Variants in DSCAM observed in about 807,000 individuals in gnomAD.
DSCAM encodes the protein cell adhesion molecule DSCAM.
DSCAM carries 47 observed loss-of-function variants against 217.7 expected under a neutral mutation model. The ratio of observed to expected loss-of-function variants is 0.22; its 90% CI spans 0.17 to 0.28. The LOEUF is 0.28. Ranked by LOEUF, DSCAM falls within the 10% of genes least tolerant of loss-of-function variation. DSCAM has a pLI of 1.00. For missense variants in DSCAM, 2,080 were observed against 2,618.3 expected (o/e 0.79, Z 4.49); for synonymous variants, 1,056 against 1,015.3 (o/e 1.04, Z -0.76).
rs906154238 is a variant in DSCAM, at chr21:40,245,136, A to T, written c.2356+30961T>A. 5.4e-4 allele frequency among the ~76,000 whole-genome samples: 82 copies of T among 152,364 alleles called. 1 individual carries two copies. The highest frequency in any genetic ancestry group is 1.9e-3 in the African/African-American group (79 of 41,598). On this transcript the variant is annotated intron_variant, in intron 11 of 32. Transcript: ENST00000400454. The stretch of plus-strand genomic sequence containing the variant: ...AAAATAAACAAAGAATCACTCCAGT[A>T]ACTTTCAGCACAATTTATTGGCACT...
At chr21:40,728,998 C>A (rs1398707404) in intron 1 of DSCAM, among the ~76,000 whole-genome samples, 1 of 152,198 alleles carries the variant, frequency 6.6e-6, no homozygotes, top group Non-Finnish European at 1.5e-5. Context: ...ACATGGGTCG[C>A]TAGCCCCGTG....
chr21:40,465,943 C>T (rs1028981854), intron 3 of DSCAM, among the ~76,000 whole-genome samples: 21 of 151,830 alleles, frequency 1.4e-4, no homozygotes, highest in African/African-American at 4.4e-4. Flanking sequence ...TTTTTGAAGG[C>T]ATAGAAATAA....
At chr21:40,711,504 C>T (rs1350699429) in intron 1 of DSCAM, among the ~76,000 whole-genome samples, 1 of 152,198 alleles carries the variant, frequency 6.6e-6, no homozygotes, top group African/African-American at 2.4e-5. Flanking sequence ...TGGCACAAGG[C>T]TGAATAGATG....
At position 40,084,016 on chromosome 21, in the gene DSCAM, A is replaced by G. The variant is rs2089499433; in HGVS notation, c.4133-10T>C. 3 of 1,603,354 alleles carry G rather than the reference A, an allele frequency of 1.9e-6. No individual in the cohort carries two copies. In the African/African-American group the frequency reaches 4.0e-5, roughly 22 times the overall value. ...GGCTGATCTGGTGGAACTGGAGAGGAAACAGTTTTTAGAAAACAAGAATTA... is the reference window on the plus strand; with the variant it reads ...GGCTGATCTGGTGGAACTGGAGAGGGAACAGTTTTTAGAAAACAAGAATTA... On this transcript the variant is annotated splice_polypyrimidine_tract_variant and intron_variant, in intron 23 of 32. Coordinates refer to ENST00000400454, the MANE Select transcript of DSCAM (RefSeq NM_001389.5).
chr21:40,059,489 T>C, intron 28 of DSCAM, among the ~76,000 whole-genome samples: 1 of 152,132 alleles, frequency 6.6e-6, no homozygotes, highest in Non-Finnish European at 1.5e-5. Flanking sequence ...CAGCAATGGG[T>C]GATGCTGCCA....
At chr21:40,132,807 C>T (rs2090167404) in intron 19 of DSCAM, among the ~76,000 whole-genome samples, 1 of 152,122 alleles carries the variant, frequency 6.6e-6, no homozygotes, top group African/African-American at 2.4e-5. Flanking sequence ...AGCAGGTGTT[C>T]TTTGCTTCCA....
chr21:40,701,401 ATTGT>A (rs1459012390), intron 2 of DSCAM, among the ~76,000 whole-genome samples: 1 of 151,942 alleles, frequency 6.6e-6, no homozygotes, highest in Non-Finnish European at 1.5e-5. Flanking sequence ...GATTTCCTCT[ATTGT>A]TTCTTTCTGT....
At chr21:40,663,272 G>T (rs1027480436) in intron 3 of DSCAM, among the ~76,000 whole-genome samples, 1 of 136,936 alleles carries the variant, frequency 7.3e-6, no homozygotes, top group African/African-American at 2.7e-5. Flanking sequence ...GTGTGTGGGG[G>T]GGGTGTATAT....
intron 3 of DSCAM, among the ~76,000 whole-genome samples, chr21:40,577,633 C>T (rs975556528): frequency 2.6e-5 from 4 of 152,162 alleles, no homozygotes; most frequent in Admixed American, 2.6e-4. Context: ...AGACGGCTAA[C>T]GCTCAAAATT....
chr21:40,208,764 G>T, intron 11 of DSCAM, among the ~76,000 whole-genome samples: 1 of 152,082 alleles, frequency 6.6e-6, no homozygotes, highest in East Asian at 1.9e-4. Flanking sequence ...AATCCCCTTG[G>T]GTTGCGAAAC....
chr21:40,481,802 G>A (rs536185313), intron 3 of DSCAM, among the ~76,000 whole-genome samples: 26 of 152,252 alleles, frequency 1.7e-4, no homozygotes, highest in Admixed American at 5.2e-4. Context: ...GAGCAGCTGC[G>A]TTTTGGCTCT....
At chr21:40,608,176 G>A (rs2146273346) in intron 3 of DSCAM, among the ~76,000 whole-genome samples, 1 of 152,252 alleles carries the variant, frequency 6.6e-6, no homozygotes, top group Middle Eastern at 3.4e-3. Context: ...TTTTCTAGTG[G>A]CAGTGAGAAA....
chr21:40,713,756 G>A (rs2090809132), intron 1 of DSCAM, among the ~76,000 whole-genome samples: 1 of 152,200 alleles, frequency 6.6e-6, no homozygotes, highest in Non-Finnish European at 1.5e-5. Context: ...AAATGGTCAT[G>A]TAACCAGTCA....
At chr21:40,224,974 T>G (rs570078765) in intron 11 of DSCAM, among the ~76,000 whole-genome samples, 4 of 152,326 alleles carry the variant, frequency 2.6e-5, no homozygotes, top group African/African-American at 9.6e-5. Flanking sequence ...GTAAGTTGGT[T>G]TGAATTAGAA....
At chr21:40,248,186 T>C (rs576594213) in intron 11 of DSCAM, among the ~76,000 whole-genome samples, 1 of 152,318 alleles carries the variant, frequency 6.6e-6, no homozygotes, top group East Asian at 1.9e-4. Context: ...ACGGCTGCTA[T>C]GAAGACCTCT....
intron 29 of DSCAM, among the ~76,000 whole-genome samples, chr21:40,053,334 G>A (rs2837396): frequency 0.22 from 32,729 of 152,178 alleles, 4,242 homozygotes; most frequent in East Asian, 0.47. Context: ...GTCCGGCCCC[G>A]TGGCGGTCAC....
chr21:40,685,645 G>T lies in DSCAM; in HGVS notation c.508+7165C>A, dbSNP rs562406478. 2.6e-5 allele frequency among the ~76,000 whole-genome samples: 4 copies of T among 152,276 alleles called. No homozygotes were observed. In the East Asian group the frequency reaches 7.7e-4, roughly 29 times the overall value. The stretch of plus-strand genomic sequence containing the variant: ...CTGAATGTCACCTCATGTGCCTTTT[G>T]CCTTTGCTGCTTTTGCTCCATAGCC... On this transcript the variant is annotated intron_variant, in intron 3 of 32. Transcript: ENST00000400454.
At chr21:40,554,264 C>G (rs1046361745) in intron 3 of DSCAM, among the ~76,000 whole-genome samples, 7 of 150,862 alleles carry the variant, frequency 4.6e-5, no homozygotes, top group South Asian at 4.2e-4. Context: ...TAGAACATAA[C>G]TGCAAACAAT....
At chr21:40,139,998 G>T (rs113579170) in intron 18 of DSCAM, among the ~76,000 whole-genome samples, 192 of 151,610 alleles carry the variant, frequency 1.3e-3, no homozygotes, top group African/African-American at 4.0e-3. Flanking sequence ...GGTGTATGTG[G>T]GGTGCATGTA....
Sources: allele counts gnomAD v4.1 joint callset (sites outside exome capture counted in the v4.1 genomes callset), GRCh38; gene constraint gnomAD v4.1.1; transcripts MANE v1.5; gene names NCBI Gene and HGNC (gene_info 2026-07-23, HGNC 2026-07-21).